Variants in LRPAP1 observed in about 807,000 individuals in gnomAD.
LRPAP1 encodes LDL receptor related protein associated protein 1.
A neutral mutation model predicts 39.9 loss-of-function variants in LRPAP1; 41 were observed. That is an observed-to-expected ratio of 1.03 (90% CI 0.80 to 1.33). The LOEUF is 1.33. Ranked by LOEUF, LRPAP1 falls within the 40% of genes most tolerant of loss-of-function variation. The pLI, the probability that LRPAP1 is intolerant of heterozygous loss-of-function variation, is 0.00. For missense variants in LRPAP1, 565 were observed against 482.3 expected (o/e 1.17, Z -1.61); for synonymous variants, 263 against 212.7 (o/e 1.24, Z -2.06).
At chr4:3,525,364 G>A (rs1013024659) in intron 1 of LRPAP1, among the ~76,000 whole-genome samples, 3 of 152,090 alleles carry the variant, frequency 2.0e-5, no homozygotes, top group African/African-American at 4.8e-5. Context: ...GACAGTCATC[G>A]GGCACTCGGA....
chr4:3,528,775 G>A (rs549971912), intron 1 of LRPAP1, among the ~76,000 whole-genome samples: 4 of 152,248 alleles, frequency 2.6e-5, no homozygotes, highest in South Asian at 2.1e-4. Flanking sequence ...CCTGAGCTCC[G>A]TGGACAAGGG....
In LRPAP1 at chr4:3,505,597, C is replaced by G. The variant is rs144860657; in HGVS notation, c.*7377G>C. On this transcript the variant is annotated 3_prime_UTR_variant, in exon 8 of 8. Transcript: ENST00000650182. ...CTTCCAGCTGCACCAGCAGCCCACA[C>G]GCCTCCTGAGCACCACTACCAGCTA... is the stretch of plus-strand genomic sequence containing the variant. Among the ~76,000 whole-genome samples, 61 of 152,318 alleles carry G rather than the reference C, an allele frequency of 4.0e-4. 1 individual carries two copies. The highest frequency in any genetic ancestry group is 1.5e-3 in the African/African-American group (61 of 41,564).
chr4:3,532,398 C>G lies in LRPAP1; in HGVS notation c.15G>C (p.Arg5Ser), dbSNP rs920198660. 6.3e-7 allele frequency: 1 copy of G among 1,577,820 alleles called. No individual in the cohort carries two copies. The highest frequency in any genetic ancestry group is 1.1e-5 in the South Asian group (1 of 87,060). MAPR[R>S]VRSFLRGLPA... ...GGAGCCCGCGCAGAAACGACCTGAC[C>G]CTCCGCGGCGCCATCTTCCTCTGCG... is the stretch of plus-strand genomic sequence containing the variant. Residue 5 changes from arginine (R) to serine (S), a missense_variant, in exon 1 of 8, where the codon AGG becomes AGC. Coordinates refer to ENST00000650182, the MANE Select transcript of LRPAP1 (RefSeq NM_002337.4).
At chr4:3,532,075 A>T in intron 1 of LRPAP1, 134 bp downstream of exon 1, 1 of 1,010,314 alleles carries the variant, frequency 9.9e-7, no homozygotes, top group Non-Finnish European at 1.4e-6. Flanking sequence ...AGGCTGTGCC[A>T]AGGACAGGGC....
At chr4:3,519,716 G>A (rs1577207160) in intron 3 of LRPAP1, among the ~76,000 whole-genome samples, 3 of 152,160 alleles carry the variant, frequency 2.0e-5, no homozygotes, top group Non-Finnish European at 4.4e-5. Context: ...TCTAATCACA[G>A]AGGCACGTCC....
intron 3 of LRPAP1, among the ~76,000 whole-genome samples, chr4:3,519,582 T>C (rs1024166268): frequency 2.0e-5 from 3 of 152,162 alleles, no homozygotes; most frequent in Non-Finnish European, 2.9e-5. Flanking sequence ...CCGCTGGAAA[T>C]GGGGGAGCTG....
At chr4:3,513,210 T>G (rs1428906247) in intron 7 of LRPAP1, among the ~76,000 whole-genome samples, 174 bp from the exon 8 acceptor site, 5 of 152,236 alleles carry the variant, frequency 3.3e-5, no homozygotes, top group Admixed American at 3.3e-4. Context: ...AGCAGCTCAG[T>G]ACTAACTAGA....
In LRPAP1 at chr4:3,520,197, G is replaced by T. The variant is rs774410529; in HGVS notation, c.350-4C>A. On this transcript the variant is annotated splice_polypyrimidine_tract_variant and splice_region_variant and intron_variant, in intron 2 of 7. Transcript: ENST00000650182. Reference sequence around the variant, plus strand: ...AGACCATACTTGGCCAAGATGACTAGGAGAGAGGGGAGGTTCTATTTGATA... The same window carrying T: ...AGACCATACTTGGCCAAGATGACTATGAGAGAGGGGAGGTTCTATTTGATA... The T allele has an allele frequency of 1.2e-6, 2 of 1,612,758 alleles. No individual in the cohort carries two copies. The highest frequency in any genetic ancestry group is 1.7e-5 in the Admixed American group (1 of 59,816).
intron 2 of LRPAP1, among the ~76,000 whole-genome samples, chr4:3,523,970 C>T (rs965678104): frequency 1.2e-4 from 15 of 127,914 alleles, no homozygotes; most frequent in South Asian, 2.9e-4. Context: ...CAGGGAGCAG[C>T]GGGGGAGGGG....
At position 3,504,352 on chromosome 4, in the gene LRPAP1, G is replaced by T. The variant is rs1451107233; in HGVS notation, c.*8622C>A. The T allele has an allele frequency of 3.3e-5, 5 of 152,268 alleles. No individual in the cohort carries two copies. The highest frequency in any genetic ancestry group is 5.9e-5 in the Non-Finnish European group (4 of 68,068). 9.4% of individuals were successfully genotyped at this position (152,268 alleles called of 1,614,324 possible). On this transcript the variant is annotated 3_prime_UTR_variant, in exon 8 of 8. Transcript: ENST00000650182. ...GTTCAGGCCGGGCACAGAAGCTCAT[G>T]CCTGTAATCCCAGCACTTTGGGCAG...
intron 1 of LRPAP1, among the ~76,000 whole-genome samples, chr4:3,529,120 C>T (rs575772607): frequency 2.6e-5 from 4 of 151,954 alleles, no homozygotes; most frequent in African/African-American, 9.7e-5. Flanking sequence ...CCCAGGAGTT[C>T]GAGACCAGCC....
chr4:3,514,608 G>C, intron 7 of LRPAP1, 144 bp downstream of exon 7: 1 of 1,106,938 alleles, frequency 9.0e-7, no homozygotes, highest in Non-Finnish European at 1.3e-6. Context: ...CCACACACTT[G>C]TGGCCCTGGG....
intron 2 of LRPAP1, among the ~76,000 whole-genome samples, chr4:3,522,265 G>A (rs1729931798): frequency 1.3e-5 from 2 of 152,240 alleles, no homozygotes; most frequent in Admixed American, 1.3e-4. Flanking sequence ...GGCTAGCCTG[G>A]CTCAAGCCTT....
rs1487769634 is a variant in LRPAP1, at chr4:3,509,289, C to T, written c.*3685G>A. On this transcript the variant is annotated 3_prime_UTR_variant, in exon 8 of 8. Transcript: ENST00000650182. The stretch of plus-strand genomic sequence containing the variant: ...GCGTGGACACCGGAGACTGTTGAGA[C>T]GCCGACTGGAGTCACACACGGCAGT... The T allele has an allele frequency of 1.1e-5, 1 of 92,480 alleles. No individual in the cohort carries two copies. Among genetic ancestry groups the T allele is most frequent in the Non-Finnish European group, 2.2e-5 (1 of 45,822 alleles). 5.7% of individuals were successfully genotyped at this position (92,480 alleles called of 1,614,324 possible). A position where few individuals can be genotyped will look rare whatever the true frequency, so the allele number is the denominator to read the frequency against.
chr4:3,517,841 C>T lies in LRPAP1; in HGVS notation c.751+193G>A, dbSNP rs538468496. On this transcript the variant is annotated intron_variant, in intron 5 of 7. Coordinates refer to ENST00000650182, the MANE Select transcript of LRPAP1 (RefSeq NM_002337.4). ...TCTCCAGGTACAAGGCTGGGGACGG[C>T]GAGTGACCTTCACGGAGCAGCTCCT... 3.2e-4 allele frequency: 187 copies of T among 579,414 alleles called. No individual in the cohort carries two copies. In the African/African-American group the frequency reaches 3.3e-3, roughly 10 times the overall value. 35.9% of individuals were successfully genotyped at this position (579,414 alleles called of 1,614,324 possible).
chr4:3,528,901 G>A (rs897091956), intron 1 of LRPAP1, among the ~76,000 whole-genome samples: 1 of 152,218 alleles, frequency 6.6e-6, no homozygotes. Context: ...AGCCAGGGGG[G>A]ACGCTTGAGA....
At chr4:3,521,652 T>C (rs1035526160) in intron 2 of LRPAP1, among the ~76,000 whole-genome samples, 8 of 152,198 alleles carry the variant, frequency 5.3e-5, no homozygotes, top group African/African-American at 1.9e-4. Context: ...GCTTCTTGTG[T>C]TCCAGCCTGG....
At chr4:3,531,827 C>A (rs1730263570) in intron 1 of LRPAP1, among the ~76,000 whole-genome samples, 1 of 152,234 alleles carries the variant, frequency 6.6e-6, no homozygotes, top group South Asian at 2.1e-4. Flanking sequence ...TTTTGTTTTT[C>A]TTGTTTCCCC....
chr4:3,527,156 T>A (rs1422511800), intron 1 of LRPAP1, among the ~76,000 whole-genome samples: 1 of 152,098 alleles, frequency 6.6e-6, no homozygotes, highest in African/African-American at 2.4e-5. Flanking sequence ...TGTCCCAACC[T>A]GAAAACCCTT....
Sources: gnomAD v4.1 joint callset for allele counts (sites outside exome capture counted in the v4.1 genomes callset) on GRCh38, gnomAD v4.1.1 for gene constraint, MANE v1.5 for transcripts, NCBI Gene and HGNC (gene_info 2026-07-23, HGNC 2026-07-21) for gene names.